Variants in RAVER2 observed in about 807,000 individuals in gnomAD.
RAVER2 encodes the protein ribonucleoprotein, PTB binding 2, also known as ribonucleoprotein PTB-binding 2.
RAVER2 carries 46 observed loss-of-function variants against 78.1 expected under a neutral mutation model. The ratio of observed to expected loss-of-function variants is 0.59; its 90% CI spans 0.46 to 0.75. RAVER2 has a LOEUF of 0.75. Among genes scored for constraint, RAVER2 ranks in the 30% least tolerant of loss-of-function variants. The pLI is 0.00. For missense variants in RAVER2, 793 were observed against 837.5 expected, an observed-to-expected ratio of 0.95 and a Z score of 0.66; for synonymous variants, 311 against 313.3, an observed-to-expected ratio of 0.99 and a Z score of 0.08.
At chr1:64,778,154 A>T (rs1259851853) in intron 3 of RAVER2, 62 bp downstream of exon 3, 14 of 1,175,708 alleles carry the variant, frequency 1.2e-5, no homozygotes, top group Non-Finnish European at 1.6e-5. Context: ...TCTAATCTAC[A>T]TACACTCACA....
At chr1:64,812,649 T>G (rs937832748) in intron 9 of RAVER2, 89 bp from the exon 10 acceptor site, 7 of 747,772 alleles carry the variant, frequency 9.4e-6, no homozygotes, top group Non-Finnish European at 1.5e-5. Flanking sequence ...GTACACTAGA[T>G]GTATTGAAAA....
chr1:64,804,723 C>A lies in RAVER2; in HGVS notation c.1192-11C>A. On this transcript the variant is annotated splice_polypyrimidine_tract_variant and intron_variant, in intron 6 of 11. Coordinates refer to ENST00000294428, the Ensembl canonical transcript of RAVER2. ...CAAAATTAAACTGACAACGTTTTGTCATTTTCACAGAGCTCAGTTATGGGT... is the reference window on the plus strand; with the variant it reads ...CAAAATTAAACTGACAACGTTTTGTAATTTTCACAGAGCTCAGTTATGGGT... 1.5e-6 allele frequency: 2 copies of A among 1,305,542 alleles called. No individual in the cohort carries two copies. The highest frequency in any genetic ancestry group is 2.5e-5 in the South Asian group (2 of 79,598). 80.9% of individuals were successfully genotyped at this position (1,305,542 alleles called of 1,614,324 possible). A position where few individuals can be genotyped will look rare whatever the true frequency, so the allele number is the denominator to read the frequency against.
intron 1 of RAVER2, among the ~76,000 whole-genome samples, chr1:64,747,026 T>C (rs1390532536): frequency 6.6e-6 from 1 of 152,230 alleles, no homozygotes; most frequent in Non-Finnish European, 1.5e-5. Context: ...AGACCCCAAA[T>C]TGAAGACGTT....
exon 12 of RAVER2, chr1:64,832,983 A>AAAC (rs1178877166): frequency 6.0e-6 from 1 of 166,692 alleles, no homozygotes; most frequent in African/African-American, 2.4e-5. Context: ...GAACTAAAAC[A>AAAC]AACAAACAAA....
At chr1:64,754,126 C>T (rs1447370474) in intron 1 of RAVER2, among the ~76,000 whole-genome samples, 1 of 152,128 alleles carries the variant, frequency 6.6e-6, no homozygotes, top group African/African-American at 2.4e-5. Context: ...ATTTAATCCT[C>T]ATTTTAAGAC....
chr1:64,790,702 A>G (rs1389252703), intron 5 of RAVER2, among the ~76,000 whole-genome samples: 1 of 152,238 alleles, frequency 6.6e-6, no homozygotes, highest in Non-Finnish European at 1.5e-5. Context: ...TCAGGCATCC[A>G]CTGGGGTTCT....
chr1:64,783,302 G>A (rs977331146), intron 4 of RAVER2, among the ~76,000 whole-genome samples: 7 of 152,104 alleles, frequency 4.6e-5, no homozygotes, highest in Non-Finnish European at 4.4e-5. Flanking sequence ...TTGAGGAATC[G>A]CCACACTGTC....
intron 8 of RAVER2, among the ~76,000 whole-genome samples, chr1:64,806,850 G>A (rs1328375934): frequency 6.6e-6 from 1 of 151,854 alleles, no homozygotes; most frequent in Non-Finnish European, 1.5e-5. Context: ...TGCAATGACT[G>A]GGCATAAAAA....
intron 4 of RAVER2, among the ~76,000 whole-genome samples, chr1:64,788,807 A>AG (rs59491825): frequency 6.6e-6 from 1 of 151,588 alleles, no homozygotes; most frequent in African/African-American, 2.4e-5. Flanking sequence ...AAAAAAAAAA[A>AG]GAAGATTTTG....
At position 64,746,140 on chromosome 1, in the gene RAVER2, A is replaced by G. The variant is rs536365575; in HGVS notation, c.249+719A>G. On this transcript the variant is annotated intron_variant, in intron 1 of 11. Coordinates refer to ENST00000294428, the Ensembl canonical transcript of RAVER2. ...TTGCTTTTAAGATTAGAAACTCTGC[A>G]TCTATTTAACTTTTTTTTTCCCCTG... 7.9e-5 allele frequency among the ~76,000 whole-genome samples: 12 copies of G among 152,220 alleles called. No individual in the cohort carries two copies. The East Asian group carries it at 9.7e-4, about 12-fold the overall frequency.
intron 11 of RAVER2, among the ~76,000 whole-genome samples, chr1:64,817,134 C>T (rs1372173127): frequency 6.6e-6 from 1 of 152,178 alleles, no homozygotes; most frequent in Non-Finnish European, 1.5e-5. Flanking sequence ...ATTTCTGCAG[C>T]CAACAGACAC....
At chr1:64,801,897 C>G (rs1283582306) in intron 5 of RAVER2, among the ~76,000 whole-genome samples, 2 of 152,192 alleles carry the variant, frequency 1.3e-5, no homozygotes, top group Non-Finnish European at 2.9e-5. Context: ...AGAATGGCTG[C>G]TCCATAGGCA....
chr1:64,771,408 A>G (rs1482011620), intron 2 of RAVER2, among the ~76,000 whole-genome samples: 2 of 152,052 alleles, frequency 1.3e-5, no homozygotes, highest in African/African-American at 2.4e-5. Flanking sequence ...GACTTGCACT[A>G]TAAGAAATAC....
intron 9 of RAVER2, among the ~76,000 whole-genome samples, chr1:64,808,920 G>A (rs575685853): frequency 1.3e-5 from 2 of 152,258 alleles, no homozygotes; most frequent in African/African-American, 4.8e-5. Context: ...AAGAACTGTG[G>A]ATTTTAGGTG....
At chr1:64,807,115 G>T in intron 8 of RAVER2, 91 bp from the exon 9 acceptor site, 1 of 1,416,460 alleles carries the variant, frequency 7.1e-7, no homozygotes. Flanking sequence ...TGGTTTCTCT[G>T]CATTTTGCTC....
intron 11 of RAVER2, among the ~76,000 whole-genome samples, chr1:64,830,000 T>C (rs1654086272): frequency 6.6e-6 from 1 of 152,206 alleles, no homozygotes; most frequent in African/African-American, 2.4e-5. Flanking sequence ...TGACCGTTGT[T>C]GGTTCAAAAA....
exon 12 of RAVER2, chr1:64,830,897 G>A: frequency 6.2e-7 from 1 of 1,612,898 alleles, no homozygotes; most frequent in East Asian, 2.2e-5. Context: ...GCCCCAGAAG[G>A]TGGTTCAGTG....
At chr1:64,765,710 TTTTG>T (rs1652157290) in intron 1 of RAVER2, among the ~76,000 whole-genome samples, 1 of 152,196 alleles carries the variant, frequency 6.6e-6, no homozygotes, top group Non-Finnish European at 1.5e-5. Flanking sequence ...TGGGTATTTA[TTTTG>T]TTTATTACTA....
chr1:64,787,517 G>A (rs986597337), intron 4 of RAVER2, among the ~76,000 whole-genome samples: 1 of 152,146 alleles, frequency 6.6e-6, no homozygotes, highest in Non-Finnish European at 1.5e-5. Context: ...TTCCACCCCT[G>A]CTCTTTTCCA....
Sources: allele counts gnomAD v4.1 joint callset (sites outside exome capture counted in the v4.1 genomes callset), GRCh38; gene constraint gnomAD v4.1.1; transcripts MANE v1.5; gene names NCBI Gene and HGNC (gene_info 2026-07-23, HGNC 2026-07-21).